Variants in DNAH3 observed in about 807,000 individuals in gnomAD.
The protein encoded by DNAH3 is dynein axonemal heavy chain 3.
In DNAH3, 332 loss-of-function variants were observed where a neutral mutation model predicts 432.5. The ratio of observed to expected loss-of-function variants is 0.77; its 90% confidence interval spans 0.70 to 0.84. The LOEUF (loss-of-function observed/expected upper bound fraction) is 0.84. Ranked by LOEUF, DNAH3 falls within the 40% of genes least tolerant of loss-of-function variation. DNAH3 has a pLI of 0.00. For missense variants in DNAH3, 4,861 were observed against 5,114.0 expected, an observed-to-expected ratio of 0.95 and a Z score of 1.51; for synonymous variants, 1,956 against 1,900.2, an observed-to-expected ratio of 1.03 and a Z score of -0.76.
At chr16:20,977,237 C>T (rs752084473) in intron 50 of DNAH3, among the ~76,000 whole-genome samples, 12 of 152,148 alleles carry the variant, frequency 7.9e-5, no homozygotes, top group Non-Finnish European at 1.5e-4. Flanking sequence ...ATTAGCCAGG[C>T]GCTGTGGCAC....
chr16:20,935,467 G>T, exon 61 of DNAH3: 2 of 1,611,340 alleles, frequency 1.2e-6, no homozygotes, highest in African/African-American at 1.3e-5. Flanking sequence ...ACCACAGGGG[G>T]CCCCTTGTCA....
In DNAH3 at chr16:20,969,987, C is replaced by T. The variant is rs759835468; in HGVS notation, c.8263G>A (p.Glu2755Lys). The T allele has an allele frequency of 1.3e-5, 21 of 1,613,742 alleles. 1 individual carries two copies. In the South Asian group the frequency reaches 2.1e-4, roughly 16 times the overall value. Residue 2755 changes from glutamate to lysine, a missense_variant, in exon 52 of 62, where the codon GAA becomes AAA. Physicochemically the swap from Glu to Lys is moderately conservative, Grantham distance 56 (BLOSUM62 1). Transcript: ENST00000261383. ...GCCTCAGCTAGGTCCCCCTCACATTCGTTCTGTGGGCGGCATGAGGACAAA... is the reference window on the plus strand; with the variant it reads ...GCCTCAGCTAGGTCCCCCTCACATTTGTTCTGTGGGCGGCATGAGGACAAA...
At chr16:20,946,091 A>C (rs2084032625) in intron 57 of DNAH3, among the ~76,000 whole-genome samples, 2 of 152,172 alleles carry the variant, frequency 1.3e-5, no homozygotes, top group Non-Finnish European at 1.5e-5. Context: ...GGTTCAGGCC[A>C]TGACGGGAAG....
chr16:21,065,029 T>C (rs1481798225), intron 24 of DNAH3, among the ~76,000 whole-genome samples: 1 of 152,128 alleles, frequency 6.6e-6, no homozygotes, highest in Non-Finnish European at 1.5e-5. Flanking sequence ...CATTATTTTC[T>C]CATTTATAAA....
rs1389490346 is a variant in DNAH3, at chr16:20,936,748, C to T, written c.11760G>A (p.Val3920=). Residue 3920 remains valine, a synonymous_variant, in exon 60 of 62, where the codon GTG becomes GTA. Transcript: ENST00000261383. ...CTGCCCACATGGCTGGCACTTTACC[C>T]ACAAGCATGCTGTTAAAGACTTCCT... The T allele has an allele frequency of 3.7e-6, 6 of 1,612,036 alleles. No homozygotes were observed. Among genetic ancestry groups the T allele is most frequent in the Non-Finnish European group, 5.1e-6 (6 of 1,179,024 alleles).
chr16:21,049,519 A>C, intron 31 of DNAH3, 50 bp downstream of exon 31: 1 of 1,495,398 alleles, frequency 6.7e-7, no homozygotes, highest in Non-Finnish European at 9.3e-7. Context: ...CCAAGAAAAA[A>C]GCCCCTCCAT....
intron 8 of DNAH3, 135 bp from the exon 10 acceptor site, chr16:21,125,505 CA>C (rs2092430221): frequency 1.8e-6 from 1 of 570,666 alleles, no homozygotes; most frequent in African/African-American, 1.9e-5. Context: ...TCAGTACTTT[CA>C]ATTTCCAGCC....
At chr16:21,008,248 C>T (rs1032386950) in intron 41 of DNAH3, among the ~76,000 whole-genome samples, 1 of 152,112 alleles carries the variant, frequency 6.6e-6, no homozygotes, top group African/African-American at 2.4e-5. Flanking sequence ...TACCATTCTG[C>T]TCTGATATAA....
rs756617877 is a variant in DNAH3 at position 21,127,845 on chromosome 16, A to G, written c.1083-33T>C. On this transcript the variant is annotated intron_variant, in intron 7 of 61. Transcript: ENST00000261383. Reference sequence around the variant, plus strand: ...AAGAGAGGGAGAAATTTCCTAAGCTAAAGAACGCTTAATAACAAATCCCGC... The same window carrying G: ...AAGAGAGGGAGAAATTTCCTAAGCTGAAGAACGCTTAATAACAAATCCCGC... 7 of 1,612,970 alleles carry G rather than the reference A, an allele frequency of 4.3e-6. No individual in the cohort carries two copies. In the East Asian group the frequency reaches 1.3e-4, roughly 31 times the overall value.
At chr16:21,136,764 A>G (rs1385569153) in intron 5 of DNAH3, among the ~76,000 whole-genome samples, 1 of 152,132 alleles carries the variant, frequency 6.6e-6, no homozygotes, top group South Asian at 2.1e-4. Context: ...AGGATTTGTC[A>G]AATACCACCC....
rs188594840 is a variant in DNAH3 at position 21,021,774 on chromosome 16, C to T, written c.5776+197G>A. Among the ~76,000 whole-genome samples the T allele has an allele frequency of 8.6e-5, 13 of 151,582 alleles. 1 individual carries two copies. Among genetic ancestry groups the T allele is most frequent in the African/African-American group, 2.9e-4 (12 of 41,358 alleles). ...AAAATACAAAAAAATAGAAGTGGTG[C>T]GTAACTTAATCCCAGCTACTCGGGA... is the stretch of plus-strand genomic sequence containing the variant. On this transcript the variant is annotated intron_variant, in intron 40 of 61. Coordinates refer to ENST00000261383, the Ensembl canonical transcript of DNAH3.
At chr16:20,962,525 T>C (rs983342531) in intron 53 of DNAH3, among the ~76,000 whole-genome samples, 4 of 152,224 alleles carry the variant, frequency 2.6e-5, no homozygotes, top group Non-Finnish European at 5.9e-5. Context: ...ATGCTGACAA[T>C]GCCTGAGTCC....
intron 23 of DNAH3, among the ~76,000 whole-genome samples, chr16:21,067,656 A>C (rs1481898904): frequency 4.0e-5 from 6 of 150,698 alleles, no homozygotes; most frequent in African/African-American, 1.5e-4. Context: ...TTATATTTTA[A>C]CCCAAGGAGT....
At chr16:20,954,076 T>C (rs1444045175) in intron 55 of DNAH3, among the ~76,000 whole-genome samples, 1 of 151,534 alleles carries the variant, frequency 6.6e-6, no homozygotes, top group East Asian at 2.0e-4. Flanking sequence ...AATACAAAAA[T>C]TAACCGGGTG....
rs2091954217 is a variant in DNAH3, at chr16:21,106,675, C to G, written c.2100-1G>C. On this transcript the variant is annotated splice_acceptor_variant, in intron 14 of 61. Transcript: ENST00000261383. LOFTEE classifies it high-confidence loss of function. The stretch of plus-strand genomic sequence containing the variant: ...GATGTGGCTGTACTGATTACAAATG[C>G]TACAGAAAAGAAACAGCCATTGTTA... 6.8e-7 allele frequency: 1 copy of G among 1,478,600 alleles called. No homozygotes were observed. Among genetic ancestry groups the G allele is most frequent in the Non-Finnish European group, 9.1e-7 (1 of 1,095,502 alleles). The allele number at this position is 1,478,600 out of a possible 1,614,324, so 91.6% of individuals were successfully genotyped here.
At chr16:21,035,354 T>A (rs1286076422) in intron 35 of DNAH3, among the ~76,000 whole-genome samples, 1 of 151,986 alleles carries the variant, frequency 6.6e-6, no homozygotes, top group Non-Finnish European at 1.5e-5. Flanking sequence ...GAGGAAAACA[T>A]TAAAGATTCA....
intron 25 of DNAH3, among the ~76,000 whole-genome samples, 179 bp downstream of exon 25, chr16:21,062,303 T>A (rs772290766): frequency 6.6e-6 from 1 of 152,168 alleles, no homozygotes; most frequent in Non-Finnish European, 1.5e-5. Flanking sequence ...ATCTTAGAGA[T>A]GGGTACACTG....
chr16:21,052,722 A>G (rs966039403), intron 28 of DNAH3, among the ~76,000 whole-genome samples: 2 of 152,134 alleles, frequency 1.3e-5, no homozygotes, highest in African/African-American at 4.8e-5. Flanking sequence ...ATCATCCCCA[A>G]ATTCTTGGAA....
chr16:21,040,645 G>A lies in DNAH3; in HGVS notation c.4639-702C>T, dbSNP rs79019540. On this transcript the variant is annotated intron_variant, in intron 32 of 61. Transcript: ENST00000261383. ...CCTCCCAAAGTGTTCAGATTAAGGC[G>A]TGAGCTACCGCGCCCAGCCAGACAG... Among the ~76,000 whole-genome samples the A allele has an allele frequency of 8.2e-4, 124 of 152,034 alleles. 3 individuals are homozygous for A. In the East Asian group the frequency reaches 0.023, roughly 28 times the overall value.
Sources: allele counts gnomAD v4.1 joint callset (sites outside exome capture counted in the v4.1 genomes callset), GRCh38; gene constraint gnomAD v4.1.1; transcripts MANE v1.5; gene names NCBI Gene and HGNC (gene_info 2026-07-23, HGNC 2026-07-21).